The following HK1 variants were observed in gnomAD, a reference collection of about 807,000 sequenced individuals.
The protein encoded by HK1 is hexokinase-1.
HK1 carries 28 observed loss-of-function variants against 91.6 expected under a neutral mutation model. That is an observed-to-expected ratio of 0.31 (90% CI 0.23 to 0.42). The LOEUF (loss-of-function observed/expected upper bound fraction) is 0.42. Ranked by LOEUF, HK1 falls within the 10% of genes least tolerant of loss-of-function variation. The probability of loss-of-function intolerance (pLI) is 1.00; values close to 1 mark genes in which losing one functional copy is unlikely to be tolerated. For missense variants in HK1, 770 were observed against 1,219.8 expected, an observed-to-expected ratio of 0.63 and a Z score of 5.49; for synonymous variants, 430 against 468.1, an observed-to-expected ratio of 0.92 and a Z score of 1.05.
chr10:69,357,447 T>C (rs1849188096), intron 2 of HK1, among the ~76,000 whole-genome samples: 1 of 152,290 alleles, frequency 6.6e-6, no homozygotes, highest in Non-Finnish European at 1.5e-5. Context: ...ATATACCGTA[T>C]GATTTCTTTT....
At chr10:69,313,507 G>A (rs957421167), upstream of HK1, among the ~76,000 whole-genome samples, 1 of 152,134 alleles carries the variant, frequency 6.6e-6, no homozygotes, top group Non-Finnish European at 1.5e-5. Flanking sequence ...TTGTGGCCCA[G>A]ACTGGAGGGC....
chr10:69,356,701 A>G (rs1589532863), intron 2 of HK1, among the ~76,000 whole-genome samples: 1 of 151,904 alleles, frequency 6.6e-6, no homozygotes, highest in Middle Eastern at 3.2e-3. Context: ...TGGCCAACAT[A>G]GTGAAACCCC....
rs887918613 is a variant in HK1 at position 69,380,785 on chromosome 10, G to T, written c.1265+690G>T. ...TCACCTTAGTTTTAGAAGCCATGTT[G>T]TCCTGTGAGAACGTGGCTTATACTT... On this transcript the variant is annotated intron_variant, in intron 9 of 17. Coordinates refer to ENST00000359426, the MANE Select transcript of HK1 (RefSeq NM_000188.3). This position sits in a 1 kb window ranked among gnomAD's most constrained non-coding sequence, Gnocchi z 4.0. 2.0e-5 allele frequency among the ~76,000 whole-genome samples: 3 copies of T among 152,190 alleles called. No homozygotes were observed. Among genetic ancestry groups the T allele is most frequent in the East Asian group, 1.9e-4 (1 of 5,202 alleles).
intron 4 of HK1, among the ~76,000 whole-genome samples, chr10:69,299,447 A>G (rs1314759247): frequency 6.6e-6 from 1 of 151,208 alleles, no homozygotes; most frequent in African/African-American, 2.5e-5. Context: ...GGCTCCTGCA[A>G]CCTTCGCCTC....
Position 69,392,253 on chromosome 10 carries a change from A to C in HK1, c.2164A>C (p.Arg722=). Residue 722 remains arginine, a synonymous_variant, in exon 15 of 18, where the codon AGG becomes CGG. Transcript: ENST00000359426. ...FGDNGCLDDI[R]THYDRLVDEY... is the part of the protein sequence containing the mutation. ...GGACAACGGGTGTCTGGATGATATCAGGACACACTACGACAGACTGGTGGA... is the reference window on the plus strand; with the variant it reads ...GGACAACGGGTGTCTGGATGATATCCGGACACACTACGACAGACTGGTGGA... The C allele has an allele frequency of 6.2e-7, 1 of 1,614,248 alleles. No homozygotes were observed. The highest frequency in any genetic ancestry group is 8.5e-7 in the Non-Finnish European group (1 of 1,180,030).
chr10:69,390,345 G>A (rs924983657), intron 14 of HK1, among the ~76,000 whole-genome samples: 4 of 152,272 alleles, frequency 2.6e-5, no homozygotes, highest in Middle Eastern at 3.4e-3. Flanking sequence ...GGTCAGGCCC[G>A]CCCGTTTCCT....
At chr10:69,389,161 T>A in intron 13 of HK1, 36 bp from the exon 14 acceptor site, 1 of 1,504,004 alleles carries the variant, frequency 6.6e-7, no homozygotes, top group East Asian at 2.3e-5. Context: ...GGCATAGTGA[T>A]CCTATTCCTA....
rs185259696 is a variant in HK1 at position 69,273,346 on chromosome 10, G to A, written c.-391+3238G>A. ...TTCTCCTGCCTCAGACTCCCAAGTA[G>A]CTGGGACTACAGGCGCCCGTCACCA... is the stretch of plus-strand genomic sequence containing the variant. On this transcript the variant is annotated intron_variant, in intron 1 of 21. Coordinates refer to the HK1 transcript ENST00000360289. Among the ~76,000 whole-genome samples, 214 of 152,214 alleles carry A rather than the reference G, an allele frequency of 1.4e-3. 1 individual carries two copies. The highest frequency in any genetic ancestry group is 4.3e-4 in the Non-Finnish European group (29 of 68,016).
intron 1 of HK1, among the ~76,000 whole-genome samples, chr10:69,336,864 A>C (rs1848019249): frequency 6.6e-6 from 1 of 151,010 alleles, no homozygotes; most frequent in Non-Finnish European, 1.5e-5. Flanking sequence ...GCTGGTCTTG[A>C]ACTCCTGACC....
intron 9 of HK1, among the ~76,000 whole-genome samples, chr10:69,382,214 C>T (rs1331129543): frequency 6.6e-6 from 1 of 152,050 alleles, no homozygotes. Context: ...CATGGCGAAA[C>T]CCTGTCTCTA....
In HK1 at chr10:69,326,126, G is replaced by T. The variant is rs570120032; in HGVS notation, c.63+7116G>T. Among the ~76,000 whole-genome samples the T allele has an allele frequency of 4.0e-5, 6 of 150,120 alleles. No individual in the cohort carries two copies. The South Asian group carries it at 1.3e-3, about 32-fold the overall frequency. The stretch of plus-strand genomic sequence containing the variant: ...TGGGATTACAGACGTGAGCCACCGC[G>T]CCTGGCCGCTTTTTTTTTTTTTAAT... On this transcript the variant is annotated intron_variant, in intron 1 of 17. Coordinates refer to ENST00000359426, the MANE Select transcript of HK1 (RefSeq NM_000188.3).
At chr10:69,317,844 C>T (rs36012744), upstream of HK1, among the ~76,000 whole-genome samples, 6,960 of 152,330 alleles carry the variant, frequency 0.046, 231 homozygotes, top group South Asian at 0.072. Flanking sequence ...GGCACTAAAG[C>T]TCCTGGAGGC....
In HK1 at chr10:69,380,114, A is replaced by ATC; in HGVS notation, c.1265+20_1265+21dup. 1 of 1,584,306 alleles carries ATC rather than the reference A, an allele frequency of 6.3e-7. No individual in the cohort carries two copies. The highest frequency in any genetic ancestry group is 8.7e-7 in the Non-Finnish European group (1 of 1,152,758). ...ACCCACAGTGAGTCTGCCCTTTGCT[A>ATC]TCATTGGCACTCTGTACCCATTGTG... is the stretch of plus-strand genomic sequence containing the variant. On this transcript the variant is annotated intron_variant, in intron 9 of 17. Coordinates refer to ENST00000359426, the MANE Select transcript of HK1 (RefSeq NM_000188.3). The surrounding 1 kb of genome is among the most constrained non-coding windows in gnomAD (Gnocchi z 4.0).
intron 2 of HK1, among the ~76,000 whole-genome samples, chr10:69,350,706 T>A (rs1275637419): frequency 1.3e-5 from 2 of 151,924 alleles, no homozygotes; most frequent in Non-Finnish European, 2.9e-5. Context: ...AATGTTTAGG[T>A]GAACATTAAA....
At chr10:69,338,487 T>C in intron 1 of HK1, 2 of 1,286,906 alleles carry the variant, frequency 1.6e-6, no homozygotes, top group Non-Finnish European at 2.0e-6. Flanking sequence ...GGAACCTCTG[T>C]CTTCTGATAG....
chr10:69,336,154 T>C (rs1847968462), intron 1 of HK1, among the ~76,000 whole-genome samples: 1 of 152,198 alleles, frequency 6.6e-6, no homozygotes, highest in Admixed American at 6.5e-5. Flanking sequence ...GATGTTGGAA[T>C]ATATTTTACA....
At chr10:69,377,511 C>A (rs1358746892) in intron 8 of HK1, among the ~76,000 whole-genome samples, 1 of 152,100 alleles carries the variant, frequency 6.6e-6, no homozygotes, top group Non-Finnish European at 1.5e-5. Context: ...GACCTCCAGA[C>A]TGTGCTGAGG....
chr10:69,376,780 G>A (rs974093317), intron 7 of HK1, among the ~76,000 whole-genome samples, 154 bp from the exon 8 acceptor site: 2 of 152,162 alleles, frequency 1.3e-5, no homozygotes. Context: ...TCCCTCTGCT[G>A]TTCAGTCACT....
chr10:69,397,110 G>T (rs890027937), intron 16 of HK1, among the ~76,000 whole-genome samples: 1 of 152,190 alleles, frequency 6.6e-6, no homozygotes, highest in African/African-American at 2.4e-5. Context: ...GACAAATGCT[G>T]CTGTGAACAC....
Sources: gnomAD v4.1 joint callset for allele counts (sites outside exome capture counted in the v4.1 genomes callset) on GRCh38, gnomAD v4.1.1 for gene constraint, Gnocchi (gnomAD v3.1) non-coding constraint, MANE v1.5 for transcripts, NCBI Gene and HGNC (gene_info 2026-07-23, HGNC 2026-07-21) for gene names.